MBD2: variants seen among roughly 807,000 people sequenced by gnomAD.
MBD2 encodes methyl-CpG-binding domain protein 2.
Under a neutral mutation model 39.3 loss-of-function variants are expected in MBD2, and 9 were observed. The ratio of observed to expected loss-of-function variants is 0.23; its 90% CI spans 0.14 to 0.40. The LOEUF is 0.40. Ranked by LOEUF, MBD2 falls within the 10% of genes least tolerant of loss-of-function variation. The pLI is 1.00. For synonymous variants in MBD2, 233 were observed against 211.1 expected, an observed-to-expected ratio of 1.10 and a Z score of -0.90; for missense variants, 458 against 532.6, an observed-to-expected ratio of 0.86 and a Z score of 1.38.
intron 2 of MBD2, among the ~76,000 whole-genome samples, chr18:54,192,336 A>C (rs989592442): frequency 3.9e-5 from 6 of 152,054 alleles, no homozygotes; most frequent in African/African-American, 9.7e-5. Context: ...GGGTTCAAGC[A>C]ATTCTCCTGC....
intron 1 of MBD2, among the ~76,000 whole-genome samples, chr18:54,221,747 C>A (rs1011828255): frequency 6.6e-6 from 1 of 152,060 alleles, no homozygotes; most frequent in African/African-American, 2.4e-5. Context: ...CCAGCCTGGG[C>A]GACAGAGCTA....
At chr18:54,215,099 C>T (rs1427553454) in intron 1 of MBD2, among the ~76,000 whole-genome samples, 5 of 152,152 alleles carry the variant, frequency 3.3e-5, no homozygotes, top group Non-Finnish European at 7.3e-5. Context: ...CTTACAAAAA[C>T]TTATCCATCC....
At chr18:54,175,580 T>C (rs1022222429) in intron 3 of MBD2, among the ~76,000 whole-genome samples, 3 of 152,240 alleles carry the variant, frequency 2.0e-5, no homozygotes, top group Admixed American at 1.3e-4. Flanking sequence ...ACTTGAACAC[T>C]GACAACTTAA....
Position 54,224,190 on chromosome 18 carries a change from GC to G in MBD2, c.369del (p.Arg124GlyfsTer41). ...CCCGACGGGAAAGGGACCGGCTCCC[GC>G]CGGGGGGCGCCGCCGCCACCGCTGC... ...GGGSGGGGAP[R>X]REPVPFPSGS... On this transcript the variant is annotated frameshift_variant, in exon 1 of 7. Coordinates refer to ENST00000256429, the MANE Select transcript of MBD2 (RefSeq NM_003927.5). LOFTEE classifies it high-confidence loss of function. The G allele has an allele frequency of 8.2e-7, 1 of 1,216,028 alleles. No homozygotes were observed. Among genetic ancestry groups the G allele is most frequent in the Non-Finnish European group, 1.0e-6 (1 of 979,030 alleles). 75.3% of individuals were successfully genotyped at this position (1,216,028 alleles called of 1,614,324 possible).
intron 5 of MBD2, among the ~76,000 whole-genome samples, chr18:54,164,061 T>C (rs780687571): frequency 6.6e-6 from 1 of 152,036 alleles, no homozygotes; most frequent in Admixed American, 6.6e-5. Context: ...TTGTTAAAAA[T>C]TTTTTGTGGA....
intron 1 of MBD2, among the ~76,000 whole-genome samples, chr18:54,220,240 T>C (rs2086598574): frequency 6.6e-6 from 1 of 152,162 alleles, no homozygotes; most frequent in African/African-American, 2.4e-5. Context: ...GTTAGAAAGT[T>C]ATTGTTCAAA....
In MBD2 at chr18:54,154,573, G is replaced by A. The variant is rs760994639; in HGVS notation, c.*751C>T. On this transcript the variant is annotated 3_prime_UTR_variant, in exon 7 of 7. Coordinates refer to ENST00000256429, the MANE Select transcript of MBD2 (RefSeq NM_003927.5). ...GGGAAGAAAAAGCCTTATTCTTATAGAACTATCAAAAGTCCAAGTCACAGG... is the reference window on the plus strand; with the variant it reads ...GGGAAGAAAAAGCCTTATTCTTATAAAACTATCAAAAGTCCAAGTCACAGG... 3.3e-5 allele frequency: 5 copies of A among 152,100 alleles called. No homozygotes were observed. Among genetic ancestry groups the A allele is most frequent in the Non-Finnish European group, 2.9e-5 (2 of 68,006 alleles). The allele number at this position is 152,100 out of a possible 1,614,324, so 9.4% of individuals were successfully genotyped here.
At chr18:54,186,765 T>C (rs2086289291) in intron 3 of MBD2, among the ~76,000 whole-genome samples, 1 of 152,300 alleles carries the variant, frequency 6.6e-6, no homozygotes, top group African/African-American at 2.4e-5. Context: ...GCCAAAGCTT[T>C]TGGAGAAGTG....
chr18:54,201,517 C>T (rs1282128078), intron 2 of MBD2, among the ~76,000 whole-genome samples: 3 of 152,114 alleles, frequency 2.0e-5, no homozygotes. Context: ...CCCACTTCAC[C>T]CTACCCACCC....
At chr18:54,215,550 G>A (rs1181862903) in intron 1 of MBD2, among the ~76,000 whole-genome samples, 8 of 147,974 alleles carry the variant, frequency 5.4e-5, no homozygotes, top group South Asian at 2.1e-4. Context: ...GTGCAGTGGC[G>A]CGATCTCAGC....
At chr18:54,189,061 C>A in intron 2 of MBD2, 50 bp from the exon 3 acceptor site, 1 of 1,232,238 alleles carries the variant, frequency 8.1e-7, no homozygotes, top group Non-Finnish European at 1.1e-6. Context: ...TAAACACAAT[C>A]AGATGACTTC....
rs541738012 is a variant in MBD2, at chr18:54,154,701, T to C, written c.*623A>G. 5.2e-5 allele frequency: 8 copies of C among 152,480 alleles called. No individual in the cohort carries two copies. The highest frequency in any genetic ancestry group is 1.0e-4 in the Non-Finnish European group (7 of 68,050). The allele number at this position is 152,480 out of a possible 1,614,324, so 9.4% of individuals were successfully genotyped here. A position where few individuals can be genotyped will look rare whatever the true frequency, so the allele number is the denominator to read the frequency against. ...AACGTCCAGAGGCAATAGTTCATACTGCAAATATATGCGCTATCTTCCTCC... is the reference window on the plus strand; with the variant it reads ...AACGTCCAGAGGCAATAGTTCATACCGCAAATATATGCGCTATCTTCCTCC... On this transcript the variant is annotated 3_prime_UTR_variant, in exon 7 of 7. Coordinates refer to ENST00000256429, the MANE Select transcript of MBD2 (RefSeq NM_003927.5).
At chr18:54,165,005 T>A (rs2086121169) in intron 4 of MBD2, among the ~76,000 whole-genome samples, 1 of 152,252 alleles carries the variant, frequency 6.6e-6, no homozygotes, top group Non-Finnish European at 1.5e-5. Flanking sequence ...TAAAATGCAT[T>A]TTCCAAGGTA....
At chr18:54,194,496 C>A (rs769562205) in intron 2 of MBD2, among the ~76,000 whole-genome samples, 11 of 151,228 alleles carry the variant, frequency 7.3e-5, no homozygotes, top group Non-Finnish European at 1.5e-4. Context: ...ATATATGTGA[C>A]CAAAATAAAG....
At chr18:54,202,298 A>T (rs2086414307) in intron 2 of MBD2, among the ~76,000 whole-genome samples, 1 of 152,192 alleles carries the variant, frequency 6.6e-6, no homozygotes, top group African/African-American at 2.4e-5. Context: ...ACTGCACTCC[A>T]GCCTGGGCGA....
At chr18:54,174,719 A>G (rs751723942) in intron 3 of MBD2, among the ~76,000 whole-genome samples, 6 of 152,246 alleles carry the variant, frequency 3.9e-5, no homozygotes, top group Non-Finnish European at 5.9e-5. Context: ...AGCCATTTAT[A>G]ATATCATTTC....
At chr18:54,185,919 A>G (rs1317161026) in intron 3 of MBD2, among the ~76,000 whole-genome samples, 2 of 152,110 alleles carry the variant, frequency 1.3e-5, no homozygotes, top group African/African-American at 4.8e-5. Flanking sequence ...TTCATACCCT[A>G]ATTTGCACTT....
In MBD2 at chr18:54,224,254, G is replaced by A; in HGVS notation, c.306C>T (p.Ser102=). 1 of 969,520 alleles carries A rather than the reference G, an allele frequency of 1.0e-6. No homozygotes were observed. Among genetic ancestry groups the A allele is most frequent in the Non-Finnish European group, 1.2e-6 (1 of 817,556 alleles). The allele number at this position is 969,520 out of a possible 1,614,324, so 60.1% of individuals were successfully genotyped here. A position where few individuals can be genotyped will look rare whatever the true frequency, so the allele number is the denominator to read the frequency against. ...RGRGRPPSGG[S]GLGGDGGGCG... ...AGCCGCCGCCGTCGCCGCCAAGGCC[G>A]CTGCCGCCACTCGGGGGACGGCCGC... Residue 102 remains serine (S), a synonymous_variant, in exon 1 of 7, where the codon AGC becomes AGT. Transcript: ENST00000256429.
At chr18:54,208,856 A>G (rs1466005744) in intron 1 of MBD2, among the ~76,000 whole-genome samples, 1 of 152,188 alleles carries the variant, frequency 6.6e-6, no homozygotes, top group Non-Finnish European at 1.5e-5. Flanking sequence ...TTCATTTTAG[A>G]TCTCTCCCCC....
Sources: gnomAD v4.1 joint callset for allele counts (sites outside exome capture counted in the v4.1 genomes callset) on GRCh38, gnomAD v4.1.1 for gene constraint, MANE v1.5 for transcripts, NCBI Gene and HGNC (gene_info 2026-07-23, HGNC 2026-07-21) for gene names.